DERA: variants seen among roughly 807,000 people sequenced by gnomAD.
DERA encodes 2-deoxy-D-ribose 5-phosphate aldolase.
In DERA, 15 loss-of-function variants were observed where a neutral mutation model predicts 41.1. The ratio of observed to expected loss-of-function variants is 0.37; its 90% CI spans 0.24 to 0.56. The LOEUF is 0.56. Ranked by LOEUF, DERA falls within the 20% of genes least tolerant of loss-of-function variation. The pLI is 0.81. For synonymous variants in DERA, 139 were observed against 137.4 expected (o/e 1.01, Z -0.08); for missense variants, 396 against 403.4 (o/e 0.98, Z 0.16).
At chr12:15,937,520 T>C (rs1437202722) in intron 1 of DERA, among the ~76,000 whole-genome samples, 2 of 152,250 alleles carry the variant, frequency 1.3e-5, no homozygotes, top group Admixed American at 1.3e-4. Flanking sequence ...CAATACCATG[T>C]GAATGTCTCA....
rs147524490 is a variant in DERA, at chr12:16,008,427, G to C, written c.638-24115G>C. Among the ~76,000 whole-genome samples the C allele has an allele frequency of 1.9e-3, 295 of 152,294 alleles. 1 individual carries two copies. Among genetic ancestry groups the C allele is most frequent in the African/African-American group, 6.1e-3 (255 of 41,554 alleles). On this transcript the variant is annotated intron_variant, in intron 6 of 8. Transcript: ENST00000428559. This position sits in a 1 kb window ranked among gnomAD's most constrained non-coding sequence, Gnocchi z 4.8. ...GTGGGGAATTACCTGCATAGGCATA[G>C]CTGGTGGTGTCTTAGGGGTGTCAGC...
intron 5 of DERA, 117 bp downstream of exon 5, chr12:15,963,064 A>G: frequency 7.3e-7 from 1 of 1,372,262 alleles, no homozygotes; most frequent in South Asian, 1.6e-5. Flanking sequence ...TTAGTAGATC[A>G]AATGGTGAGT....
chr12:15,969,386 G>A (rs1161416370), intron 5 of DERA, among the ~76,000 whole-genome samples: 1 of 152,172 alleles, frequency 6.6e-6, no homozygotes, highest in Non-Finnish European at 1.5e-5. Flanking sequence ...CTGAGGACCT[G>A]GAGCTGGCTT....
chr12:15,959,805 G>T lies in DERA; in HGVS notation c.278-24G>T. 1.3e-6 allele frequency: 2 copies of T among 1,504,632 alleles called. No individual in the cohort carries two copies. Among genetic ancestry groups the T allele is most frequent in the Non-Finnish European group, 9.0e-7 (1 of 1,108,848 alleles). 93.2% of individuals were successfully genotyped at this position (1,504,632 alleles called of 1,614,324 possible). A position where few individuals can be genotyped will look rare whatever the true frequency, so the allele number is the denominator to read the frequency against. ...ATGAGTTGAACTTCATTGAAAGTTG[G>T]CTATTCCTATTTTTTCTTGATAGGC... On this transcript the variant is annotated intron_variant, in intron 3 of 8. Coordinates refer to ENST00000428559, the MANE Select transcript of DERA (RefSeq NM_015954.4). The surrounding 1 kb of genome is among the most constrained non-coding windows in gnomAD (Gnocchi z 4.5).
At chr12:16,018,459 T>A (rs909964424) in intron 6 of DERA, among the ~76,000 whole-genome samples, 1 of 152,204 alleles carries the variant, frequency 6.6e-6, no homozygotes, top group African/African-American at 2.4e-5. Context: ...AATGTTCATC[T>A]TGTTCTATTT....
chr12:15,924,728 A>C lies in DERA; in HGVS notation c.31+13314A>C, dbSNP rs1592000085. Among the ~76,000 whole-genome samples the C allele has an allele frequency of 6.6e-6, 1 of 152,192 alleles. No homozygotes were observed. The highest frequency in any genetic ancestry group is 2.1e-4 in the South Asian group (1 of 4,838). ...TTATTGTAATTCCAATCGATCCTAT[A>C]TTGTGAAAATACTTGGCTTTCACCA... On this transcript the variant is annotated intron_variant, in intron 1 of 8. Coordinates refer to ENST00000428559, the MANE Select transcript of DERA (RefSeq NM_015954.4). This position sits in a 1 kb window ranked among gnomAD's most constrained non-coding sequence, Gnocchi z 5.0.
At chr12:15,926,011 C>T (rs760799396) in intron 1 of DERA, among the ~76,000 whole-genome samples, 7 of 151,288 alleles carry the variant, frequency 4.6e-5, no homozygotes, top group Non-Finnish European at 7.4e-5. Context: ...TTAGTAGAGT[C>T]GGGGTTTCAC....
intron 5 of DERA, among the ~76,000 whole-genome samples, chr12:15,975,095 A>G (rs890398093): frequency 6.6e-6 from 1 of 152,228 alleles, no homozygotes; most frequent in Non-Finnish European, 1.5e-5. Flanking sequence ...TAGTTTCTCA[A>G]GACGGAAATT....
rs529029396 is a variant in DERA, at chr12:15,957,993, T to C, written c.130-195T>C. 1.1e-4 allele frequency among the ~76,000 whole-genome samples: 16 copies of C among 152,294 alleles called. 1 individual carries two copies. The highest frequency in any genetic ancestry group is 3.6e-4 in the African/African-American group (15 of 41,558). On this transcript the variant is annotated intron_variant, in intron 2 of 8. Coordinates refer to ENST00000428559, the MANE Select transcript of DERA (RefSeq NM_015954.4). This position sits in a 1 kb window ranked among gnomAD's most constrained non-coding sequence, Gnocchi z 4.8. ...AAGCCTACTCTTCCTCCCTTTTATTTTGGGCAGTGTTCACCTTGTTAGTGG... is the reference window on the plus strand; with the variant it reads ...AAGCCTACTCTTCCTCCCTTTTATTCTGGGCAGTGTTCACCTTGTTAGTGG...
At chr12:16,007,302 G>A (rs1948918880) in intron 6 of DERA, among the ~76,000 whole-genome samples, 2 of 151,742 alleles carry the variant, frequency 1.3e-5, no homozygotes, top group South Asian at 4.2e-4. Flanking sequence ...TTGTGCCTCA[G>A]CCTCCTGAGT....
rs575136119 is a variant in DERA, at chr12:15,960,300, A to T, written c.373+376A>T. On this transcript the variant is annotated intron_variant, in intron 4 of 8. Coordinates refer to ENST00000428559, the MANE Select transcript of DERA (RefSeq NM_015954.4). ...TAACTATATACATACTAACACACAC[A>T]TGTATGCATGTTCTGTTATACATAT... Among the ~76,000 whole-genome samples, 40 of 150,372 alleles carry T rather than the reference A, an allele frequency of 2.7e-4. No homozygotes were observed. In the South Asian group the frequency reaches 8.4e-3, roughly 31 times the overall value.
In DERA at chr12:16,023,784, G is replaced by A. The variant is rs551436570; in HGVS notation, c.638-8758G>A. Among the ~76,000 whole-genome samples the A allele has an allele frequency of 6.6e-5, 10 of 152,306 alleles. No individual in the cohort carries two copies. In the South Asian group the frequency reaches 1.0e-3, roughly 16 times the overall value. The stretch of plus-strand genomic sequence containing the variant: ...GAGCCACCGCGCCCGGCCTCAAACA[G>A]TCTTTATAGAGAAAACAAGTATCAG... On this transcript the variant is annotated intron_variant, in intron 6 of 8. Coordinates refer to ENST00000428559, the MANE Select transcript of DERA (RefSeq NM_015954.4).
At chr12:15,912,394 C>T (rs1003276753) in intron 1 of DERA, among the ~76,000 whole-genome samples, 1 of 152,166 alleles carries the variant, frequency 6.6e-6, no homozygotes, top group African/African-American at 2.4e-5. Context: ...GATTTCTTAA[C>T]ATGTGAAAAA....
chr12:15,963,838 A>G (rs770767280), intron 5 of DERA, among the ~76,000 whole-genome samples: 8 of 151,978 alleles, frequency 5.3e-5, no homozygotes, highest in East Asian at 1.9e-4. Context: ...GGACTTGCCT[A>G]TTTCTCATGG....
At chr12:15,939,818 A>G (rs1592008097) in intron 1 of DERA, among the ~76,000 whole-genome samples, 1 of 152,332 alleles carries the variant, frequency 6.6e-6, no homozygotes, top group Non-Finnish European at 1.5e-5. Flanking sequence ...GTGTATTGCC[A>G]TGAAGAAAGA....
rs892208507 is a variant in DERA at position 15,928,180 on chromosome 12, A to C, written c.31+16766A>C. ...CTCTCTTAGCCGTTTTGAAACATACATGAGTATTAACTGTAGCTACCATGC... is the reference window on the plus strand; with the variant it reads ...CTCTCTTAGCCGTTTTGAAACATACCTGAGTATTAACTGTAGCTACCATGC... On this transcript the variant is annotated intron_variant, in intron 1 of 8. Transcript: ENST00000428559. The surrounding 1 kb of genome is among the most constrained non-coding windows in gnomAD (Gnocchi z 4.6). Among the ~76,000 whole-genome samples, 1 of 152,204 alleles carries C rather than the reference A, an allele frequency of 6.6e-6. No individual in the cohort carries two copies. The highest frequency in any genetic ancestry group is 2.4e-5 in the African/African-American group (1 of 41,446).
Position 16,026,589 on chromosome 12 carries a change from T to C in DERA, c.638-5953T>C, listed in dbSNP as rs894551364. 6.7e-6 allele frequency among the ~76,000 whole-genome samples: 1 copy of C among 150,060 alleles called. No individual in the cohort carries two copies. Among genetic ancestry groups the C allele is most frequent in the Non-Finnish European group, 1.5e-5 (1 of 67,504 alleles). ...GACTTTTACATAAATTGTAAATATA[T>C]TTACACATTTATGTAAATATATAAC... On this transcript the variant is annotated intron_variant, in intron 6 of 8. Coordinates refer to ENST00000428559, the MANE Select transcript of DERA (RefSeq NM_015954.4). The surrounding 1 kb of genome is among the most constrained non-coding windows in gnomAD (Gnocchi z 4.4).
rs995900400 is a variant in DERA at position 15,941,886 on chromosome 12, C to A, written c.32-15050C>A. Among the ~76,000 whole-genome samples, 2 of 152,164 alleles carry A rather than the reference C, an allele frequency of 1.3e-5. No individual in the cohort carries two copies. Among genetic ancestry groups the A allele is most frequent in the Admixed American group, 6.6e-5 (1 of 15,264 alleles). On this transcript the variant is annotated intron_variant, in intron 1 of 8. Coordinates refer to ENST00000428559, the MANE Select transcript of DERA (RefSeq NM_015954.4). The surrounding 1 kb of genome is among the most constrained non-coding windows in gnomAD (Gnocchi z 4.5). ...TGACTTCTTTTCCTTTGGGAAGATA[C>A]CTAATAGTGGGATTGCTGGATTGAA...
chr12:16,005,280 C>T (rs910276889), intron 6 of DERA, among the ~76,000 whole-genome samples: 2 of 151,920 alleles, frequency 1.3e-5, no homozygotes, highest in African/African-American at 4.8e-5. Flanking sequence ...CCTGTCTCTA[C>T]AAAAAATATT....
Sources: allele counts gnomAD v4.1 joint callset (sites outside exome capture counted in the v4.1 genomes callset), GRCh38; gene constraint gnomAD v4.1.1; non-coding constraint Gnocchi (gnomAD v3.1); transcripts MANE v1.5; gene names NCBI Gene and HGNC (gene_info 2026-07-23, HGNC 2026-07-21).